The following CHD1 variants were observed in gnomAD, a reference collection of about 807,000 sequenced individuals.
CHD1 encodes ATP-dependent chromatin remodeler CHD1.
In CHD1, 36 loss-of-function variants were observed where a neutral mutation model predicts 224.2. The observed-to-expected ratio is 0.16, with a 90% confidence interval of 0.12 to 0.21. The LOEUF is 0.21. Ranked by LOEUF, CHD1 falls within the 10% of genes least tolerant of loss-of-function variation. CHD1 has a pLI of 1.00. For missense variants in CHD1, 1,378 were observed against 1,994.8 expected (o/e 0.69, Z 5.89); for synonymous variants, 668 against 658.3 (o/e 1.01, Z -0.23).
chr5:98,863,643 AG>A, intron 31 of CHD1, 57 bp from the exon 32 acceptor site: 1 of 1,163,598 alleles, frequency 8.6e-7, no homozygotes, highest in Non-Finnish European at 1.2e-6. Context: ...AAATTCAACA[AG>A]GTCTACCTCC....
chr5:98,858,126 G>A, intron 35 of CHD1, 54 bp downstream of exon 35: 1 of 1,390,692 alleles, frequency 7.2e-7, no homozygotes, highest in Non-Finnish European at 1.0e-6. Flanking sequence ...GGAACATCAT[G>A]ATAAGGAGAA....
chr5:98,887,903 TGCAA>T (rs1750757116), intron 17 of CHD1, among the ~76,000 whole-genome samples, 181 bp downstream of exon 17: 1 of 152,126 alleles, frequency 6.6e-6, no homozygotes, highest in South Asian at 2.1e-4. Flanking sequence ...ATTGTTTTGT[TGCAA>T]TATGTAAAGT....
rs374141016 is a variant in CHD1, at chr5:98,881,391, C to T, written c.2868-16G>A. ...AGGAGTAGAACTAAAACAGGAAAAA[C>T]AAAAATGCTTAACATTAACAGTTAA... On this transcript the variant is annotated splice_polypyrimidine_tract_variant and intron_variant, in intron 20 of 35. Transcript: ENST00000614616. 1.3e-5 allele frequency: 17 copies of T among 1,261,146 alleles called. No individual in the cohort carries two copies. Among genetic ancestry groups the T allele is most frequent in the Non-Finnish European group, 1.9e-5 (17 of 916,644 alleles). 78.1% of individuals were successfully genotyped at this position (1,261,146 alleles called of 1,614,324 possible). A position where few individuals can be genotyped will look rare whatever the true frequency, so the allele number is the denominator to read the frequency against.
Position 98,868,476 on chromosome 5 carries a change from C to A in CHD1, c.4248+19G>T. 1 of 1,580,412 alleles carries A rather than the reference C, an allele frequency of 6.3e-7. No individual in the cohort carries two copies. Among genetic ancestry groups the A allele is most frequent in the South Asian group, 1.2e-5 (1 of 83,838 alleles). ...TGTTTTATGAGTTAATACTAATAAT[C>A]AGAAAGTCTAAGGCTTACAATGCTG... is the stretch of plus-strand genomic sequence containing the variant. On this transcript the variant is annotated intron_variant, in intron 31 of 35. Coordinates refer to ENST00000614616, the MANE Select transcript of CHD1 (RefSeq NM_001270.4).
At chr5:98,922,550 C>T (rs755913481) in intron 2 of CHD1, among the ~76,000 whole-genome samples, 51 of 151,822 alleles carry the variant, frequency 3.4e-4, no homozygotes, top group Admixed American at 1.7e-3. Flanking sequence ...AATTCTATTC[C>T]GTTTAATAAA....
chr5:98,909,671 T>G (rs1752265790), intron 2 of CHD1, among the ~76,000 whole-genome samples: 1 of 152,210 alleles, frequency 6.6e-6, no homozygotes, highest in Non-Finnish European at 1.5e-5. Context: ...GAGGTATAGT[T>G]CATGAAGAAA....
chr5:98,876,772 CAA>C, intron 23 of CHD1, among the ~76,000 whole-genome samples: 1 of 152,228 alleles, frequency 6.6e-6, no homozygotes, highest in East Asian at 1.9e-4. Flanking sequence ...CAAAAGCCTC[CAA>C]AAGTTATTCT....
chr5:98,911,174 T>G (rs1355332733), intron 2 of CHD1, among the ~76,000 whole-genome samples: 17 of 128,864 alleles, frequency 1.3e-4, no homozygotes, highest in African/African-American at 4.9e-4. Flanking sequence ...TATATATATA[T>G]ATAGAGGCAT....
At chr5:98,897,102 T>C in intron 11 of CHD1, 91 bp downstream of exon 11, 1 of 1,274,096 alleles carries the variant, frequency 7.8e-7, no homozygotes, top group Non-Finnish European at 1.1e-6. Context: ...CAAAGAGTCT[T>C]ATTCTTTATG....
intron 30 of CHD1, 119 bp from the exon 31 acceptor site, chr5:98,868,754 T>C: frequency 1.0e-6 from 1 of 955,164 alleles, no homozygotes; most frequent in Non-Finnish European, 1.5e-6. Flanking sequence ...TCATTCTCAT[T>C]GAATATCCTC....
At chr5:98,860,742 G>A (rs539816734) in intron 32 of CHD1, 1 of 152,720 alleles carries the variant, frequency 6.5e-6, no homozygotes, top group East Asian at 1.9e-4. Flanking sequence ...TAGGTTCTAA[G>A]TTAGGGTAGT....
chr5:98,909,206 T>C (rs1396000041), intron 2 of CHD1, among the ~76,000 whole-genome samples: 1 of 152,190 alleles, frequency 6.6e-6, no homozygotes, highest in Non-Finnish European at 1.5e-5. Context: ...ATCCCTTTAG[T>C]CTCATAATTG....
chr5:98,885,738 G>T, intron 17 of CHD1, 89 bp from the exon 18 acceptor site: 1 of 786,076 alleles, frequency 1.3e-6, no homozygotes, highest in Non-Finnish European at 2.1e-6. Flanking sequence ...GTAGAAATGT[G>T]AAGCATGTCC....
At chr5:98,863,029 T>G (rs546954195) in intron 32 of CHD1, among the ~76,000 whole-genome samples, 8 of 152,298 alleles carry the variant, frequency 5.3e-5, no homozygotes, top group African/African-American at 1.9e-4. Context: ...TCTTTATACA[T>G]GTATCCAGGA....
At chr5:98,928,438 C>A in intron 1 of CHD1, 101 bp downstream of exon 1, 1 of 154,344 alleles carries the variant, frequency 6.5e-6, no homozygotes, top group South Asian at 2.0e-4. Flanking sequence ...TTCACCCGGC[C>A]GCTGGGCCGC....
intron 2 of CHD1, among the ~76,000 whole-genome samples, chr5:98,911,144 A>ATAT (rs1321937045): frequency 8.1e-4 from 60 of 73,688 alleles, no homozygotes; most frequent in African/African-American, 2.0e-3. Flanking sequence ...AAAAAAAAAA[A>ATAT]AAATATATAT....
intron 18 of CHD1, chr5:98,883,741 TATAC>T (rs1176326127): frequency 5.7e-6 from 1 of 174,796 alleles, no homozygotes; most frequent in Admixed American, 6.5e-5. Context: ...TAAACTGTGG[TATAC>T]ATACACAGTG....
At chr5:98,889,038 A>G (rs759714517) in intron 16 of CHD1, 38 bp downstream of exon 16, 97 of 1,417,096 alleles carry the variant, frequency 6.8e-5, no homozygotes, top group Non-Finnish European at 9.0e-5. Flanking sequence ...ACATTTCTAG[A>G]ACTTTATCAC....
Position 98,883,068 on chromosome 5 carries a change from T to A in CHD1, c.2718+20A>T. Reference sequence around the variant, plus strand: ...AGAATTCTAAAACAGCAATATAATATAAATTAAAATTAAAAATACCTGTTT... The same window carrying A: ...AGAATTCTAAAACAGCAATATAATAAAAATTAAAATTAAAAATACCTGTTT... On this transcript the variant is annotated intron_variant, in intron 19 of 35. Coordinates refer to ENST00000614616, the MANE Select transcript of CHD1 (RefSeq NM_001270.4). The A allele has an allele frequency of 7.4e-7, 1 of 1,355,148 alleles. No individual in the cohort carries two copies. The highest frequency in any genetic ancestry group is 9.7e-7 in the Non-Finnish European group (1 of 1,031,132). 83.9% of individuals were successfully genotyped at this position (1,355,148 alleles called of 1,614,324 possible). A position where few individuals can be genotyped will look rare whatever the true frequency, so the allele number is the denominator to read the frequency against.
Sources: allele counts gnomAD v4.1 joint callset (sites outside exome capture counted in the v4.1 genomes callset), GRCh38; gene constraint gnomAD v4.1.1; transcripts MANE v1.5; gene names NCBI Gene and HGNC (gene_info 2026-07-23, HGNC 2026-07-21).